Variants in ELP2 observed in about 807,000 individuals in gnomAD.
The protein encoded by ELP2 is elongator acetyltransferase complex subunit 2.
Under a neutral mutation model 119.2 loss-of-function variants are expected in ELP2, and 90 were observed. The ratio of observed to expected loss-of-function variants is 0.75; its 90% CI spans 0.64 to 0.90. ELP2 has a LOEUF of 0.90. Ranked by LOEUF, ELP2 falls within the 40% of genes least tolerant of loss-of-function variation. ELP2 has a pLI of 0.00. For synonymous variants in ELP2, 339 were observed against 331.0 expected (o/e 1.02, Z -0.26); for missense variants, 921 against 967.8 (o/e 0.95, Z 0.64).
chr18:36,164,964 A>G (rs1445252081), intron 18 of ELP2: 2 of 371,074 alleles, frequency 5.4e-6, no homozygotes, highest in Non-Finnish European at 5.0e-6. Flanking sequence ...GGTTTTGCAA[A>G]TGGTGATAGA....
intron 5 of ELP2, among the ~76,000 whole-genome samples, chr18:36,140,375 C>CT (rs2089978389): frequency 6.6e-6 from 1 of 152,048 alleles, no homozygotes; most frequent in South Asian, 2.1e-4. Context: ...GGGATGGAGT[C>CT]TCGCTCCGTC....
At position 36,158,860 on chromosome 18, in the gene ELP2, C is replaced by A. The variant is rs760705507; in HGVS notation, c.1490C>A (p.Ala497Asp). Residue 497 changes from alanine to aspartate, a missense_variant, in exon 14 of 22, where the codon GCC becomes GAC. Physicochemically the swap from Ala to Asp is moderately radical, Grantham distance 126. Coordinates refer to ENST00000358232, the MANE Select transcript of ELP2 (RefSeq NM_018255.4). ...CNQDSDLPEG[A>D]TVPALGLSNK... ...CAAGATAGTGATCTTCCAGAAGGAGCCACTGTCCCTGCATTGGGATTATCA... is the reference window on the plus strand; with the variant it reads ...CAAGATAGTGATCTTCCAGAAGGAGACACTGTCCCTGCATTGGGATTATCA... 21 of 1,609,462 alleles carry A rather than the reference C, an allele frequency of 1.3e-5. No homozygotes were observed. The highest frequency in any genetic ancestry group is 1.8e-5 in the Non-Finnish European group (21 of 1,175,954).
At chr18:36,160,327 C>T (rs900985426) in intron 16 of ELP2, among the ~76,000 whole-genome samples, 14 of 151,956 alleles carry the variant, frequency 9.2e-5, no homozygotes, top group Non-Finnish European at 2.1e-4. Context: ...GTAATCATAG[C>T]ACTTTGGGAG....
At chr18:36,153,928 G>A (rs955714881) in intron 11 of ELP2, among the ~76,000 whole-genome samples, 1 of 151,766 alleles carries the variant, frequency 6.6e-6, no homozygotes, top group Non-Finnish European at 1.5e-5. Context: ...GCCAAACACT[G>A]CCCTTCAGGA....
intron 16 of ELP2, 38 bp downstream of exon 16, chr18:36,160,053 G>A: frequency 6.2e-7 from 1 of 1,604,236 alleles, no homozygotes; most frequent in Non-Finnish European, 8.5e-7. Context: ...GTCTGATTCT[G>A]TCGTAACTTC....
Position 36,179,281 on chromosome 18 carries a change from G to T in ELP2, c.*4640G>T, listed in dbSNP as rs2091284615. 7.3e-6 allele frequency: 1 copy of T among 136,636 alleles called. No homozygotes were observed. The highest frequency in any genetic ancestry group is 2.8e-5 in the African/African-American group (1 of 36,146). 8.5% of individuals were successfully genotyped at this position (136,636 alleles called of 1,614,324 possible). ...GTTCGAGACCAGCCTGGCCAACATG[G>T]TGAAACCCCATCTCTACTAAAAATA... On this transcript the variant is annotated 3_prime_UTR_variant, in exon 22 of 22. Coordinates refer to ENST00000358232, the MANE Select transcript of ELP2 (RefSeq NM_018255.4).
At chr18:36,134,835 C>T (rs1317104109) in intron 2 of ELP2, among the ~76,000 whole-genome samples, 1 of 152,126 alleles carries the variant, frequency 6.6e-6, no homozygotes, top group African/African-American at 2.4e-5. Flanking sequence ...AATATATCTA[C>T]TGTAGTTTTG....
At chr18:36,143,056 G>T in intron 8 of ELP2, 90 bp downstream of exon 8, 2 of 866,700 alleles carry the variant, frequency 2.3e-6, no homozygotes, top group Non-Finnish European at 3.6e-6. Context: ...GTGAAGGATA[G>T]TTTTTCACAA....
chr18:36,167,228 T>C lies in ELP2; in HGVS notation c.2076+6T>C. 1 of 1,570,544 alleles carries C rather than the reference T, an allele frequency of 6.4e-7. No individual in the cohort carries two copies. The highest frequency in any genetic ancestry group is 8.7e-7 in the Non-Finnish European group (1 of 1,155,234). ...CTGGGAGTCGAGACAAAAAGGTAAT[T>C]ATTTAAAAATTTAATATTTTTTCAA... On this transcript the variant is annotated splice_donor_region_variant and intron_variant, in intron 19 of 21. Coordinates refer to ENST00000358232, the MANE Select transcript of ELP2 (RefSeq NM_018255.4).
intron 8 of ELP2, among the ~76,000 whole-genome samples, chr18:36,143,650 G>T (rs1277010298): frequency 6.6e-6 from 1 of 151,964 alleles, no homozygotes; most frequent in Non-Finnish European, 1.5e-5. Flanking sequence ...TTCCACCTTG[G>T]TATCCTAAAG....
At position 36,146,301 on chromosome 18, in the gene ELP2, T is replaced by C; in HGVS notation, c.1045T>C (p.Phe349Leu). 1.9e-6 allele frequency: 3 copies of C among 1,614,096 alleles called. No homozygotes were observed. In the East Asian group the frequency reaches 6.7e-5, roughly 36 times the overall value. Reference sequence around the variant, plus strand: ...TACTTTGGGATTTTATGATTGCCAGTTCAATGAAGATGGCTCCATGATCAT... The same window carrying C: ...TACTTTGGGATTTTATGATTGCCAGCTCAATGAAGATGGCTCCATGATCAT... ...GNTLGFYDCQ[F>L]NEDGSMIIAH... The change falls in exon 11 of 22, where the codon TTC becomes CTC. Residue 349 changes from phenylalanine (F) to leucine (L), a missense_variant. Coordinates refer to ENST00000358232, the MANE Select transcript of ELP2 (RefSeq NM_018255.4).
chr18:36,149,998 C>G (rs962310181), intron 11 of ELP2, among the ~76,000 whole-genome samples: 1 of 152,180 alleles, frequency 6.6e-6, no homozygotes, highest in Non-Finnish European at 1.5e-5. Context: ...ATCTTCTGTT[C>G]TGGTTTTTTT....
chr18:36,136,508 G>A lies in ELP2; in HGVS notation c.288+131G>A, dbSNP rs137867780. 1,431 of 767,120 alleles carry A rather than the reference G, an allele frequency of 1.9e-3. 14 individuals carry two copies. The African/African-American group carries it at 0.021, about 11-fold the overall frequency. 47.5% of individuals were successfully genotyped at this position (767,120 alleles called of 1,614,324 possible). A position where few individuals can be genotyped will look rare whatever the true frequency, so the allele number is the denominator to read the frequency against. ...GTGGCTCACCTCAGCCTCCTAAGTA[G>A]CTGGGACTACAGGTGCCTGACACCA... On this transcript the variant is annotated intron_variant, in intron 3 of 21. Transcript: ENST00000358232.
At chr18:36,139,429 G>A (rs2089944909) in intron 5 of ELP2, 1 of 1,535,406 alleles carries the variant, frequency 6.5e-7, no homozygotes. Flanking sequence ...TTACCTGGAA[G>A]ACTGGCCAGG....
intron 7 of ELP2, among the ~76,000 whole-genome samples, chr18:36,142,582 GA>G (rs75202443): frequency 6.6e-6 from 1 of 152,098 alleles, no homozygotes; most frequent in East Asian, 1.9e-4. Context: ...AGACCTTCTT[GA>G]AAAGTTCTTT....
intron 15 of ELP2, 41 bp from the exon 16 acceptor site, chr18:36,159,917 T>C: frequency 6.2e-7 from 1 of 1,609,784 alleles, no homozygotes; most frequent in Admixed American, 1.7e-5. Flanking sequence ...TGCTATAGAA[T>C]TCACTTTTAC....
intron 9 of ELP2, chr18:36,145,366 C>T: frequency 3.0e-6 from 1 of 333,684 alleles, no homozygotes; most frequent in Non-Finnish European, 5.8e-6. Context: ...CCTTTACCCT[C>T]AGTAATAACA....
rs1043007447 is a variant in ELP2 at position 36,180,285 on chromosome 18, G to C, written c.*5644G>C. On this transcript the variant is annotated 3_prime_UTR_variant, in exon 22 of 22. Coordinates refer to ENST00000358232, the MANE Select transcript of ELP2 (RefSeq NM_018255.4). Reference sequence around the variant, plus strand: ...CCATACTATTTTGCTTAATCTCCTCGGGCAGAATTTAGTGTTGTGGCCATA... The same window carrying C: ...CCATACTATTTTGCTTAATCTCCTCCGGCAGAATTTAGTGTTGTGGCCATA... 6.6e-6 allele frequency: 1 copy of C among 152,130 alleles called. No homozygotes were observed. The highest frequency in any genetic ancestry group is 1.5e-5 in the Non-Finnish European group (1 of 68,028). 9.4% of individuals were successfully genotyped at this position (152,130 alleles called of 1,614,324 possible).
At chr18:36,145,919 A>T (rs753076467) in intron 9 of ELP2, 29 bp from the exon 10 acceptor site, 1 of 1,556,496 alleles carries the variant, frequency 6.4e-7, no homozygotes. Context: ...ATTGTTGATC[A>T]CCTAAAGGGA....
Sources: gnomAD v4.1 joint callset for allele counts (sites outside exome capture counted in the v4.1 genomes callset) on GRCh38, gnomAD v4.1.1 for gene constraint, MANE v1.5 for transcripts, NCBI Gene and HGNC (gene_info 2026-07-23, HGNC 2026-07-21) for gene names.